The following TRIO variants were observed in gnomAD, a reference collection of about 807,000 sequenced individuals.
TRIO encodes trio Rho guanine nucleotide exchange factor.
In TRIO, 58 loss-of-function variants were observed where a neutral mutation model predicts 351.9. The ratio of observed to expected loss-of-function variants is 0.16; its 90% CI spans 0.13 to 0.21. The LOEUF is 0.21. Among genes scored for constraint, TRIO ranks in the 10% least tolerant of loss-of-function variants. The pLI, the probability that TRIO is intolerant of heterozygous loss-of-function variation, is 1.00. For synonymous variants in TRIO, 1,758 were observed against 1,595.7 expected, an observed-to-expected ratio of 1.10 and a Z score of -2.42; for missense variants, 3,201 against 4,027.8, an observed-to-expected ratio of 0.79 and a Z score of 5.56.
intron 34 of TRIO, among the ~76,000 whole-genome samples, chr5:14,433,100 A>G (rs1751308924): frequency 6.6e-6 from 1 of 152,202 alleles, no homozygotes; most frequent in African/African-American, 2.4e-5. Context: ...TGCTGGTGCA[A>G]ACAGAGAATG....
At chr5:14,505,855 G>A (rs1757638879) in intron 55 of TRIO, among the ~76,000 whole-genome samples, 1 of 152,212 alleles carries the variant, frequency 6.6e-6, no homozygotes, top group Non-Finnish European at 1.5e-5. Flanking sequence ...ACATCTCATG[G>A]CAGAAGGGCA....
intron 8 of TRIO, among the ~76,000 whole-genome samples, chr5:14,307,401 G>A (rs899751651): frequency 1.4e-4 from 22 of 152,192 alleles, no homozygotes; most frequent in Non-Finnish European, 2.8e-4. Flanking sequence ...AAAATGGAAC[G>A]TTCTTTAGTC....
At chr5:14,415,286 G>A (rs934197523) in intron 33 of TRIO, among the ~76,000 whole-genome samples, 4 of 152,236 alleles carry the variant, frequency 2.6e-5, no homozygotes, top group East Asian at 3.9e-4. Context: ...TGTTTGCAGC[G>A]AAGACTGACT....
intron 36 of TRIO, among the ~76,000 whole-genome samples, 194 bp downstream of exon 36, chr5:14,463,119 G>A (rs752093410): frequency 1.3e-5 from 2 of 152,254 alleles, no homozygotes; most frequent in Non-Finnish European, 1.5e-5. Flanking sequence ...ATTTAGAATA[G>A]CAGTAGGCCA....
chr5:14,502,263 A>G (rs1208106656), intron 53 of TRIO, among the ~76,000 whole-genome samples: 1 of 152,252 alleles, frequency 6.6e-6, no homozygotes, highest in East Asian at 1.9e-4. Context: ...TCTAGTAAAC[A>G]CATTTTAAAA....
intron 2 of TRIO, among the ~76,000 whole-genome samples, chr5:14,273,843 A>G (rs1735254214): frequency 6.6e-6 from 1 of 152,232 alleles, no homozygotes; most frequent in South Asian, 2.1e-4. Context: ...AGAATTAAGA[A>G]CGCATTCTTT....
At chr5:14,335,747 C>G (rs990988069) in intron 10 of TRIO, among the ~76,000 whole-genome samples, 1 of 152,164 alleles carries the variant, frequency 6.6e-6, no homozygotes, top group African/African-American at 2.4e-5. Flanking sequence ...AGAGGATTAT[C>G]TGAGCCCAGG....
At chr5:14,445,798 G>A (rs1579676615) in intron 34 of TRIO, among the ~76,000 whole-genome samples, 4 of 152,218 alleles carry the variant, frequency 2.6e-5, no homozygotes, top group Admixed American at 2.0e-4. Context: ...CAGGCGTGCA[G>A]TTGAGTAAGG....
intron 27 of TRIO, 69 bp from the exon 28 acceptor site, chr5:14,393,969 T>C: frequency 2.0e-6 from 2 of 977,388 alleles, no homozygotes; most frequent in Non-Finnish European, 3.1e-6. Context: ...AAAAGTAATG[T>C]GTTTTATGGC....
At chr5:14,489,531 A>G (rs1053454714) in intron 48 of TRIO, among the ~76,000 whole-genome samples, 3 of 152,178 alleles carry the variant, frequency 2.0e-5, no homozygotes, top group Non-Finnish European at 4.4e-5. Flanking sequence ...TTAGTTGGAT[A>G]CTCAGTATCC....
intron 1 of TRIO, among the ~76,000 whole-genome samples, chr5:14,225,301 A>T (rs1414512591): frequency 6.6e-6 from 1 of 152,238 alleles, no homozygotes; most frequent in East Asian, 1.9e-4. Context: ...ACCCGAAAAT[A>T]ATCTAGGTGC....
chr5:14,406,803 GC>G, intron 33 of TRIO, 131 bp downstream of exon 33: 1 of 852,250 alleles, frequency 1.2e-6, no homozygotes, highest in Non-Finnish European at 1.8e-6. Flanking sequence ...CAGGAGTGGT[GC>G]CAGGATCCCG....
intron 11 of TRIO, among the ~76,000 whole-genome samples, chr5:14,337,852 T>G (rs537480242): frequency 6.6e-6 from 1 of 152,220 alleles, no homozygotes; most frequent in East Asian, 1.9e-4. Context: ...CCCTGGGGTT[T>G]GCACTCAGTC....
At chr5:14,495,306 ACTC>A (rs1264030856) in intron 49 of TRIO, among the ~76,000 whole-genome samples, 1 of 152,176 alleles carries the variant, frequency 6.6e-6, no homozygotes, top group African/African-American at 2.4e-5. Context: ...GATGGAATCT[ACTC>A]CTGGTGAAAA....
rs1757866379 is a variant in TRIO at position 14,508,393 on chromosome 5, C to T, written c.9265C>T (p.Leu3089=). 1 of 1,612,020 alleles carries T rather than the reference C, an allele frequency of 6.2e-7. No homozygotes were observed. Among genetic ancestry groups the T allele is most frequent in the Admixed American group, 1.7e-5 (1 of 59,968 alleles). The change falls in exon 57 of 57, where the codon CTG becomes TTG. Residue 3089 remains leucine, a synonymous_variant. Transcript: ENST00000344204. ...VRPIRSIKNF[L]QSRLLPRV is the part of the protein sequence containing the mutation. ...ACCTATCCGTAGCATTAAAAACTTT[C>T]TGCAGAGCAGGCTTCTGCCTAGAGT... is the stretch of plus-strand genomic sequence containing the variant.
intron 1 of TRIO, among the ~76,000 whole-genome samples, chr5:14,154,027 C>A (rs933998080): frequency 3.3e-5 from 5 of 152,100 alleles, no homozygotes; most frequent in Non-Finnish European, 1.5e-5. Context: ...CTGATGTTAC[C>A]TTTTACGTAA....
rs1561451961 is a variant in TRIO, at chr5:14,405,890, C to T, written c.4759C>T (p.Arg1587Cys). Reference protein sequence around the residue: ...ENKQDWIKHIREVIQERTIHL... With the variant: ...ENKQDWIKHICEVIQERTIHL... ...CAAGCAGGACTGGATAAAGCATATC[C>T]GCGAAGTCATCCAGGAGCGGACGAT... The change falls in exon 32 of 57, where the codon CGC (arginine) becomes TGC (cysteine). Residue 1587 changes from arginine (R) to cysteine (C), a missense_variant. Coordinates refer to ENST00000344204, the MANE Select transcript of TRIO (RefSeq NM_007118.4). 5.0e-6 allele frequency: 8 copies of T among 1,613,818 alleles called. No homozygotes were observed. The highest frequency in any genetic ancestry group is 2.7e-5 in the African/African-American group (2 of 74,910).
Position 14,487,776 on chromosome 5 carries a change from C to G in TRIO, c.7148C>G (p.Pro2383Arg). The G allele has an allele frequency of 7.3e-7, 1 of 1,370,950 alleles. No homozygotes were observed. Among genetic ancestry groups the G allele is most frequent in the Non-Finnish European group, 9.4e-7 (1 of 1,060,220 alleles). 84.9% of individuals were successfully genotyped at this position (1,370,950 alleles called of 1,614,324 possible). Residue 2383 changes from proline (P) to arginine (R), a missense_variant, in exon 48 of 57, where the codon CCC (proline) becomes CGC (arginine). This residue lies in a region of TRIO where 1,089 missense variants were observed against 954.9 expected (regional missense o/e 1.14). Transcript: ENST00000344204. ...TCCCTGCCTCCCCCTGGCGCGGCCC[C>G]CGAGGCCGGCCCCAGCGCGCCCAGC... ...GPSLPPPGAA[P>R]EAGPSAPSRR...
chr5:14,259,324 A>C (rs997131715), intron 1 of TRIO, among the ~76,000 whole-genome samples: 11 of 152,344 alleles, frequency 7.2e-5, no homozygotes, highest in South Asian at 2.1e-4. Flanking sequence ...ATGAAAAAAA[A>C]CCAAAAACCC....
Sources: gnomAD v4.1 joint callset for allele counts (sites outside exome capture counted in the v4.1 genomes callset) on GRCh38, gnomAD v4.1.1 for gene constraint, gnomAD v4.1.1 regional missense constraint, MANE v1.5 for transcripts, NCBI Gene and HGNC (gene_info 2026-07-23, HGNC 2026-07-21) for gene names.